The following COMMD10 variants were observed in gnomAD, a reference collection of about 807,000 sequenced individuals.
The protein encoded by COMMD10 is COMM domain containing 10.
A neutral mutation model predicts 28.9 loss-of-function variants in COMMD10; 33 were observed. The ratio of observed to expected loss-of-function variants is 1.14; its 90% CI spans 0.87 to 1.53. COMMD10 has a LOEUF of 1.53. Ranked by LOEUF, COMMD10 falls within the 40% of genes most tolerant of loss-of-function variation. The probability of loss-of-function intolerance (pLI) is 0.00; values close to 1 mark genes in which losing one functional copy is unlikely to be tolerated. For synonymous variants in COMMD10, 110 were observed against 81.7 expected, an observed-to-expected ratio of 1.35 and a Z score of -1.87; for missense variants, 310 against 233.4, an observed-to-expected ratio of 1.33 and a Z score of -2.14.
intron 5 of COMMD10, among the ~76,000 whole-genome samples, chr5:116,219,497 C>A (rs1749190053): frequency 6.6e-6 from 1 of 152,040 alleles, no homozygotes; most frequent in Admixed American, 6.6e-5. Context: ...GGAGATTTGA[C>A]ACAGACATAC....
intron 5 of COMMD10, among the ~76,000 whole-genome samples, chr5:116,159,170 T>C (rs1752837007): frequency 6.6e-6 from 1 of 152,188 alleles, no homozygotes; most frequent in Admixed American, 6.5e-5. Context: ...GCTTTCCTTA[T>C]AACTCAAAGT....
intron 5 of COMMD10, among the ~76,000 whole-genome samples, chr5:116,183,186 A>G (rs889361289): frequency 6.6e-6 from 1 of 152,154 alleles, no homozygotes; most frequent in African/African-American, 2.4e-5. Context: ...CTAGAAATAA[A>G]TTACCATGGG....
chr5:116,237,508 A>G (rs1170436951), intron 5 of COMMD10, among the ~76,000 whole-genome samples: 1 of 152,166 alleles, frequency 6.6e-6, no homozygotes, highest in African/African-American at 2.4e-5. Context: ...AAATGTAGAT[A>G]AACGTTACAG....
chr5:116,196,862 A>G (rs1259582038), intron 5 of COMMD10, among the ~76,000 whole-genome samples: 1 of 152,132 alleles, frequency 6.6e-6, no homozygotes, highest in Admixed American at 6.5e-5. Context: ...TATCAGTAAG[A>G]CACTGAACAA....
chr5:116,246,306 T>G (rs749673527), intron 5 of COMMD10, among the ~76,000 whole-genome samples: 3 of 151,920 alleles, frequency 2.0e-5, no homozygotes, highest in Non-Finnish European at 2.9e-5. Flanking sequence ...CAAGAAAAAC[T>G]ACAAAACACT....
chr5:116,172,743 T>C (rs1753378564), intron 5 of COMMD10, among the ~76,000 whole-genome samples: 1 of 152,184 alleles, frequency 6.6e-6, no homozygotes, highest in Non-Finnish European at 1.5e-5. Context: ...TTCTGAATCC[T>C]GGCTGTGCAT....
At chr5:116,157,942 T>C (rs1316447302) in intron 5 of COMMD10, among the ~76,000 whole-genome samples, 17 of 149,962 alleles carry the variant, frequency 1.1e-4, no homozygotes, top group Non-Finnish European at 2.2e-4. Flanking sequence ...TCCTTTACTT[T>C]TTTTTTTTTT....
At chr5:116,153,126 T>A (rs1204254607) in intron 5 of COMMD10, among the ~76,000 whole-genome samples, 2 of 152,126 alleles carry the variant, frequency 1.3e-5, no homozygotes, top group African/African-American at 4.8e-5. Context: ...TTCTATATAT[T>A]TTGGCTATAT....
At position 116,104,283 on chromosome 5, in the gene COMMD10, G is replaced by A. The variant is rs187344504; in HGVS notation, c.399+11583G>A. 1.7e-4 allele frequency among the ~76,000 whole-genome samples: 26 copies of A among 152,326 alleles called. 1 individual carries two copies. The highest frequency in any genetic ancestry group is 1.4e-3 in the Admixed American group (22 of 15,300). The stretch of plus-strand genomic sequence containing the variant: ...ATTGATTCTTCCTATCCATGAGCAT[G>A]GAATGTTTTTTCATTTGTTTGTGTC... On this transcript the variant is annotated intron_variant, in intron 4 of 6. Coordinates refer to ENST00000274458, the MANE Select transcript of COMMD10 (RefSeq NM_016144.4).
chr5:116,270,066 T>C (rs960401047), intron 5 of COMMD10, among the ~76,000 whole-genome samples: 2 of 151,842 alleles, frequency 1.3e-5, no homozygotes, highest in East Asian at 3.9e-4. Context: ...ATTCTTGTTA[T>C]CTTGACATAA....
At chr5:116,159,665 C>A (rs1005447676) in intron 5 of COMMD10, among the ~76,000 whole-genome samples, 1 of 152,140 alleles carries the variant, frequency 6.6e-6, no homozygotes, top group East Asian at 1.9e-4. Context: ...TGATAATGAA[C>A]TGTGGAGGTT....
intron 4 of COMMD10, among the ~76,000 whole-genome samples, chr5:116,127,000 A>G (rs994504675): frequency 9.9e-5 from 15 of 152,194 alleles, no homozygotes; most frequent in African/African-American, 9.6e-5. Context: ...CCTACAGAAT[A>G]GGAGAAAATT....
intron 5 of COMMD10, among the ~76,000 whole-genome samples, chr5:116,249,724 A>C (rs1209836022): frequency 6.6e-6 from 1 of 151,884 alleles, no homozygotes; most frequent in Non-Finnish European, 1.5e-5. Context: ...AGCCAATTAA[A>C]ATCTTAAAAA....
At chr5:116,195,069 T>C (rs1204411014) in intron 5 of COMMD10, among the ~76,000 whole-genome samples, 2 of 152,168 alleles carry the variant, frequency 1.3e-5, no homozygotes. Context: ...AAAAATCACA[T>C]GATTATCTCA....
At chr5:116,183,959 C>G (rs763313331) in intron 5 of COMMD10, among the ~76,000 whole-genome samples, 4 of 152,094 alleles carry the variant, frequency 2.6e-5, no homozygotes, top group Non-Finnish European at 5.9e-5. Flanking sequence ...ATATAAATAA[C>G]TTTTGGATTT....
intron 5 of COMMD10, among the ~76,000 whole-genome samples, chr5:116,270,127 T>A (rs1750715537): frequency 6.6e-6 from 1 of 151,882 alleles, no homozygotes; most frequent in Non-Finnish European, 1.5e-5. Context: ...ATTTCCTACT[T>A]TACATTTTTA....
intron 5 of COMMD10, among the ~76,000 whole-genome samples, chr5:116,283,709 A>G (rs1340042530): frequency 6.6e-6 from 1 of 151,794 alleles, no homozygotes; most frequent in Non-Finnish European, 1.5e-5. Flanking sequence ...AATGTTTCGT[A>G]TTAGTCTTAC....
chr5:116,120,442 A>C (rs1160891105), intron 4 of COMMD10, among the ~76,000 whole-genome samples: 3 of 152,114 alleles, frequency 2.0e-5, no homozygotes, highest in Non-Finnish European at 2.9e-5. Flanking sequence ...CTCAGAAATC[A>C]CTGCTACAGA....
chr5:116,106,312 C>A (rs1358741320), intron 4 of COMMD10, among the ~76,000 whole-genome samples: 1 of 152,106 alleles, frequency 6.6e-6, no homozygotes, highest in African/African-American at 2.4e-5. Flanking sequence ...GTTTCTTAAT[C>A]TTGAGTCTAA....
Sources: allele counts gnomAD v4.1 joint callset (sites outside exome capture counted in the v4.1 genomes callset), GRCh38; gene constraint gnomAD v4.1.1; transcripts MANE v1.5; gene names NCBI Gene and HGNC (gene_info 2026-07-23, HGNC 2026-07-21).